TUBA3D: variants seen among roughly 807,000 people sequenced by gnomAD.
TUBA3D encodes tubulin alpha 3d.
TUBA3D carries 24 observed loss-of-function variants against 36.1 expected under a neutral mutation model. That is an observed-to-expected ratio of 0.66 (90% CI 0.48 to 0.93). The LOEUF (loss-of-function observed/expected upper bound fraction) is 0.93, where lower values mean the gene tolerates loss of function less well. Among genes scored for constraint, TUBA3D ranks in the 40% least tolerant of loss-of-function variants. TUBA3D has a pLI of 0.00. For missense variants in TUBA3D, 356 were observed against 614.5 expected, an observed-to-expected ratio of 0.58 and a Z score of 4.45; for synonymous variants, 185 against 247.2, an observed-to-expected ratio of 0.75 and a Z score of 2.36.
chr2:131,478,180 T>C lies in TUBA3D; in HGVS notation c.20T>C (p.Ile7Thr), dbSNP rs760926055. Residue 7 changes from isoleucine to threonine, a missense_variant, in exon 2 of 5, where the codon ATC (isoleucine) becomes ACC (threonine). Physicochemically the swap from Ile to Thr is moderately conservative, Grantham distance 89 (BLOSUM62 -1). Transcript: ENST00000321253. The stretch of plus-strand genomic sequence containing the variant: ...TGTTCACAGCGCGAGTGTATCTCTA[T>C]CCACGTGGGGCAGGCGGGTGTCCAG... Reference protein sequence around the residue: MRECISIHVGQAGVQIG... With the variant: MRECISTHVGQAGVQIG... 1.1e-5 allele frequency: 17 copies of C among 1,613,580 alleles called. No individual in the cohort carries two copies. The highest frequency in any genetic ancestry group is 1.4e-5 in the Non-Finnish European group (16 of 1,179,758).
intron 1 of TUBA3D, among the ~76,000 whole-genome samples, chr2:131,476,449 C>T (rs553754726): frequency 6.6e-6 from 1 of 152,278 alleles, no homozygotes; most frequent in Non-Finnish European, 1.5e-5. Context: ...GTGTCCCGTC[C>T]CCCAGAGAGC....
At chr2:131,480,777 C>CAGCA (rs111758039) in intron 4 of TUBA3D, 28 bp downstream of exon 4, 123,681 of 1,593,992 alleles carry the variant, frequency 0.078, 5,242 homozygotes, top group Non-Finnish European at 0.088. Flanking sequence ...GGAGGCCTTT[C>CAGCA]AGCAAGCAGC....
chr2:131,479,931 A>G, intron 3 of TUBA3D, 138 bp from the exon 4 acceptor site: 1 of 1,323,418 alleles, frequency 7.6e-7, no homozygotes, highest in Non-Finnish European at 1.0e-6. Context: ...TCTTTGCTTC[A>G]AAGTGTACTG....
chr2:131,478,113 T>C, intron 1 of TUBA3D, 51 bp from the exon 2 acceptor site: 1 of 1,586,310 alleles, frequency 6.3e-7, no homozygotes, highest in Non-Finnish European at 8.6e-7. Flanking sequence ...TGCCATATAG[T>C]TTCAAGTTGC....
rs769550209 is a variant in TUBA3D, at chr2:131,478,184, C to T, written c.24C>T (p.His8=). The T allele has an allele frequency of 9.9e-6, 16 of 1,613,530 alleles. No homozygotes were observed. The highest frequency in any genetic ancestry group is 6.7e-5 in the African/African-American group (5 of 74,914). ...CACAGCGCGAGTGTATCTCTATCCA[C>T]GTGGGGCAGGCGGGTGTCCAGATCG... MRECISI[H]VGQAGVQIGN... The change falls in exon 2 of 5, where the codon CAC becomes CAT. Residue 8 remains histidine (H), a synonymous_variant. Transcript: ENST00000321253.
intron 3 of TUBA3D, 71 bp downstream of exon 3, chr2:131,479,527 G>A (rs1296848606): frequency 3.8e-6 from 6 of 1,590,526 alleles, no homozygotes; most frequent in Admixed American, 3.4e-5. Context: ...TGAAAGGGAA[G>A]TCATTTTATC....
chr2:131,478,493 C>T, intron 2 of TUBA3D, 107 bp downstream of exon 2: 3 of 1,360,844 alleles, frequency 2.2e-6, no homozygotes, highest in South Asian at 3.0e-5. Flanking sequence ...ATGGGATAGA[C>T]AGGCATATGC....
At position 131,482,501 on chromosome 2, in the gene TUBA3D, T is replaced by C. The variant is rs538572786; in HGVS notation, c.1057-51T>C. ...TGTTTGAGGAAAAGTAGCTACCATT[T>C]CTAGGTTTGATATAAGCTTCATGGA... On this transcript the variant is annotated intron_variant, in intron 4 of 4. Transcript: ENST00000321253. 43 of 1,544,974 alleles carry C rather than the reference T, an allele frequency of 2.8e-5. No individual in the cohort carries two copies. In the East Asian group the frequency reaches 9.5e-4, roughly 34 times the overall value.
Position 131,482,900 on chromosome 2 carries a change from A to G in TUBA3D, c.*52A>G, listed in dbSNP as rs1678911018. The G allele has an allele frequency of 6.3e-7, 1 of 1,578,208 alleles. No individual in the cohort carries two copies. The highest frequency in any genetic ancestry group is 1.3e-5 in the African/African-American group (1 of 74,126). ...GCCACCCCCGGGATGGCTGCTTCCA[A>G]GTTGTTTGCAATTAAAGGTTCTGTA... On this transcript the variant is annotated 3_prime_UTR_variant, in exon 5 of 5. Transcript: ENST00000321253.
chr2:131,478,312 C>T lies in TUBA3D; in HGVS notation c.152C>T (p.Thr51Met), dbSNP rs370090968. 6 of 1,613,868 alleles carry T rather than the reference C, an allele frequency of 3.7e-6. No individual in the cohort carries two copies. The highest frequency in any genetic ancestry group is 1.3e-5 in the African/African-American group (1 of 74,926). ...TIGGGDDSFN[T>M]FFSETGAGKH... ...GGTGGCGGGGACGACTCCTTCAACACGTTCTTCAGTGAGACTGGAGCTGGC... is the reference window on the plus strand; with the variant it reads ...GGTGGCGGGGACGACTCCTTCAACATGTTCTTCAGTGAGACTGGAGCTGGC... The change falls in exon 2 of 5, where the codon ACG becomes ATG. Residue 51 changes from threonine to methionine, a missense_variant. Physicochemically the swap from Thr to Met is moderately conservative, Grantham distance 81. Coordinates refer to ENST00000321253, the MANE Select transcript of TUBA3D (RefSeq NM_080386.4).
At chr2:131,479,621 C>T (rs186331851) in intron 3 of TUBA3D, among the ~76,000 whole-genome samples, 165 bp downstream of exon 3, 2 of 152,234 alleles carry the variant, frequency 1.3e-5, no homozygotes, top group Non-Finnish European at 2.9e-5. Context: ...GGGTGGATTA[C>T]CTGAGGTCAG....
chr2:131,480,476 G>A lies in TUBA3D; in HGVS notation c.783G>A (p.Pro261=), dbSNP rs758544787. Residue 261 remains proline, a synonymous_variant, in exon 4 of 5, where the codon CCG becomes CCA. Transcript: ENST00000321253. ...CGGAATTCCAGACCAACCTAGTGCC[G>A]TACCCCCGCATCCACTTCCCCCTGG... ...DLTEFQTNLV[P]YPRIHFPLAT... 3.2e-4 allele frequency: 505 copies of A among 1,588,146 alleles called. 21 individuals carry two copies. Among genetic ancestry groups the A allele is most frequent in the Non-Finnish European group, 1.0e-4 (122 of 1,171,556 alleles).
intron 1 of TUBA3D, 61 bp downstream of exon 1, chr2:131,476,263 G>T (rs1678664062): frequency 1.2e-6 from 2 of 1,612,840 alleles, no homozygotes; most frequent in Admixed American, 3.3e-5. Context: ...GCCTCGGGTG[G>T]ACAGAGGGAC....
At chr2:131,476,323 C>G in intron 1 of TUBA3D, 121 bp downstream of exon 1, 1 of 1,548,854 alleles carries the variant, frequency 6.5e-7, no homozygotes, top group Non-Finnish European at 8.8e-7. Context: ...GACGCAGGGT[C>G]TAGTGCGGGA....
intron 1 of TUBA3D, among the ~76,000 whole-genome samples, chr2:131,476,969 G>T (rs2105267850): frequency 1.4e-5 from 2 of 144,402 alleles, no homozygotes; most frequent in African/African-American, 5.6e-5. Context: ...TAACATAACA[G>T]ATTCCCAAGT....
At chr2:131,481,478 C>T (rs113646399) in intron 4 of TUBA3D, among the ~76,000 whole-genome samples, 8,896 of 149,414 alleles carry the variant, frequency 0.06, 311 homozygotes, top group Non-Finnish European at 0.084. Context: ...CTCTGTCGCC[C>T]GGGTTGGAAT....
intron 2 of TUBA3D, among the ~76,000 whole-genome samples, 200 bp from the exon 3 acceptor site, chr2:131,479,108 T>C (rs563156317): frequency 6.6e-6 from 1 of 152,374 alleles, no homozygotes; most frequent in African/African-American, 2.4e-5. Context: ...GAGTTTAACT[T>C]TGTAGAGTCA....
Position 131,482,621 on chromosome 2 carries a change from T to C in TUBA3D, c.1126T>C (p.Cys376Arg), listed in dbSNP as rs753469662. Residue 376 changes from cysteine to arginine, a missense_variant, in exon 5 of 5, where the codon TGC becomes CGC. Around this residue, in one of 3 missense-constraint regions of TUBA3D, gnomAD observed 156 missense variants for 219.8 expected, o/e 0.71. Transcript: ENST00000321253. ...CCTGGCCAAGGTGCAGCGGGCCGTG[T>C]GCATGCTGAGCAACACCACGGCCAT... ...GDLAKVQRAV[C>R]MLSNTTAIAE... 6.2e-7 allele frequency: 1 copy of C among 1,614,106 alleles called. No homozygotes were observed. Among genetic ancestry groups the C allele is most frequent in the South Asian group, 1.1e-5 (1 of 91,076 alleles).
In TUBA3D at chr2:131,482,719, C is replaced by T. The variant is rs201823217; in HGVS notation, c.1224C>T (p.Tyr408=). ...MYAKRAFVHW[Y]VGEGMEEGEF... ...CCAAGCGGGCCTTTGTGCACTGGTA[C>T]GTGGGCGAAGGCATGGAAGAGGGAG... The change falls in exon 5 of 5, where the codon TAC becomes TAT. Residue 408 remains tyrosine (Y), a synonymous_variant. Coordinates refer to ENST00000321253, the MANE Select transcript of TUBA3D (RefSeq NM_080386.4). 186 of 1,613,968 alleles carry T rather than the reference C, an allele frequency of 1.2e-4. No individual in the cohort carries two copies. The African/African-American group carries it at 1.5e-3, about 13-fold the overall frequency.
Sources: allele counts gnomAD v4.1 joint callset (sites outside exome capture counted in the v4.1 genomes callset), GRCh38; gene constraint gnomAD v4.1.1; regional missense constraint gnomAD v4.1.1; transcripts MANE v1.5; gene names NCBI Gene and HGNC (gene_info 2026-07-23, HGNC 2026-07-21).